SLC25A21: variants seen among roughly 807,000 people sequenced by gnomAD.
The protein encoded by SLC25A21 is solute carrier family 25 member 21, also known as mitochondrial 2-oxodicarboxylate carrier.
SLC25A21 carries 47 observed loss-of-function variants against 43.8 expected under a neutral mutation model. The ratio of observed to expected loss-of-function variants is 1.07; its 90% CI spans 0.85 to 1.37. The LOEUF (loss-of-function observed/expected upper bound fraction) is 1.37. Ranked by LOEUF, SLC25A21 falls within the 40% of genes most tolerant of loss-of-function variation. SLC25A21 has a pLI of 0.00. For missense variants in SLC25A21, 352 were observed against 350.2 expected, an observed-to-expected ratio of 1.00 and a Z score of -0.04; for synonymous variants, 131 against 121.3, an observed-to-expected ratio of 1.08 and a Z score of -0.52.
At chr14:37,090,656 G>T (rs1443486811) in intron 1 of SLC25A21, among the ~76,000 whole-genome samples, 1 of 152,150 alleles carries the variant, frequency 6.6e-6, no homozygotes, top group Non-Finnish European at 1.5e-5. Flanking sequence ...GCTTTCCAAA[G>T]ATTAGGTATG....
chr14:36,850,993 A>G (rs1889715833), intron 2 of SLC25A21, among the ~76,000 whole-genome samples: 14 of 152,206 alleles, frequency 9.2e-5, no homozygotes, highest in Admixed American at 9.2e-4. Context: ...AAAGATTATG[A>G]CATTCTACAG....
intron 1 of SLC25A21, among the ~76,000 whole-genome samples, chr14:36,886,253 T>C (rs371112432): frequency 3.3e-5 from 5 of 152,266 alleles, no homozygotes; most frequent in Admixed American, 6.5e-5. Flanking sequence ...CCCCTAATAA[T>C]AGTTAAGGTG....
At chr14:36,745,897 T>A (rs1885477018) in intron 3 of SLC25A21, among the ~76,000 whole-genome samples, 2 of 152,094 alleles carry the variant, frequency 1.3e-5, no homozygotes, top group African/African-American at 4.8e-5. Context: ...ATTAAAACCA[T>A]GATGAGATAT....
At chr14:36,991,293 T>G (rs1594741474) in intron 1 of SLC25A21, among the ~76,000 whole-genome samples, 3 of 152,162 alleles carry the variant, frequency 2.0e-5, no homozygotes, top group African/African-American at 7.2e-5. Context: ...CGATTCAAGG[T>G]GTCAGCCCAC....
chr14:36,907,077 G>C (rs146756897), intron 1 of SLC25A21, among the ~76,000 whole-genome samples: 193 of 152,204 alleles, frequency 1.3e-3, no homozygotes, highest in African/African-American at 3.9e-3. Flanking sequence ...CTCTAGGAAG[G>C]CTTTGAAAAC....
intron 1 of SLC25A21, among the ~76,000 whole-genome samples, chr14:36,908,964 T>A (rs1238857717): frequency 6.6e-6 from 1 of 152,148 alleles, no homozygotes; most frequent in Non-Finnish European, 1.5e-5. Context: ...ATAGTTTACT[T>A]GGAGGCAGAG....
intron 2 of SLC25A21, among the ~76,000 whole-genome samples, chr14:36,822,644 C>T (rs1010386010): frequency 7.9e-5 from 12 of 152,160 alleles, no homozygotes; most frequent in African/African-American, 2.9e-4. Context: ...GGCAAGGCCA[C>T]AAAGACAAGG....
In SLC25A21 at chr14:37,001,089, C is replaced by T. The variant is rs78568904; in HGVS notation, c.71-126085G>A. Among the ~76,000 whole-genome samples, 25 of 152,254 alleles carry T rather than the reference C, an allele frequency of 1.6e-4. No homozygotes were observed. In the East Asian group the frequency reaches 4.6e-3, roughly 28 times the overall value. On this transcript the variant is annotated intron_variant, in intron 1 of 9. Transcript: ENST00000331299. ...TATCTTGCTATATTTTTTCATAGCA[C>T]TTGCCACTTTCTGATTTTATATGCC...
chr14:36,957,836 T>C (rs920088001), intron 1 of SLC25A21, among the ~76,000 whole-genome samples: 4 of 152,256 alleles, frequency 2.6e-5, no homozygotes, highest in Non-Finnish European at 5.9e-5. Context: ...GAAAATAGTT[T>C]TATTTATACG....
At chr14:37,098,911 T>G (rs937036994) in intron 1 of SLC25A21, among the ~76,000 whole-genome samples, 2 of 151,812 alleles carry the variant, frequency 1.3e-5, no homozygotes, top group Non-Finnish European at 2.9e-5. Flanking sequence ...CAGGCAATTC[T>G]CCTGACTCAG....
chr14:36,875,115 T>C, intron 1 of SLC25A21, 111 bp from the exon 2 acceptor site: 1 of 739,258 alleles, frequency 1.4e-6, no homozygotes, highest in Non-Finnish European at 2.2e-6. Context: ...ACTTGGGACT[T>C]CGGATATGAC....
intron 1 of SLC25A21, among the ~76,000 whole-genome samples, chr14:36,987,478 A>G (rs1347410457): frequency 1.3e-5 from 2 of 152,224 alleles, no homozygotes; most frequent in Non-Finnish European, 2.9e-5. Context: ...AGAGATAACT[A>G]CTATTAACAT....
At chr14:37,022,143 T>A (rs927643303) in intron 1 of SLC25A21, among the ~76,000 whole-genome samples, 1 of 151,866 alleles carries the variant, frequency 6.6e-6, no homozygotes, top group African/African-American at 2.4e-5. Context: ...TACATGAAAT[T>A]TGAGAGACTG....
At chr14:36,902,254 T>G (rs1891415515) in intron 1 of SLC25A21, among the ~76,000 whole-genome samples, 1 of 152,160 alleles carries the variant, frequency 6.6e-6, no homozygotes, top group Non-Finnish European at 1.5e-5. Flanking sequence ...CAGAGACTAT[T>G]CTGATGAGGG....
Position 36,679,800 on chromosome 14 carries a change from C to T in SLC25A21, c.*858G>A. 2 of 985,086 alleles carry T rather than the reference C, an allele frequency of 2.0e-6. No homozygotes were observed. Among genetic ancestry groups the T allele is most frequent in the Non-Finnish European group, 2.4e-6 (2 of 829,674 alleles). The allele number at this position is 985,086 out of a possible 1,614,324, so 61.0% of individuals were successfully genotyped here. Reference sequence around the variant, plus strand: ...AATACTGATGGCTGACAAATGGGTCCAAAGGTGTTTCCAATTTGTGATTTA... The same window carrying T: ...AATACTGATGGCTGACAAATGGGTCTAAAGGTGTTTCCAATTTGTGATTTA... On this transcript the variant is annotated 3_prime_UTR_variant, in exon 10 of 10. Transcript: ENST00000331299.
intron 3 of SLC25A21, among the ~76,000 whole-genome samples, chr14:36,804,750 C>T (rs971470494): frequency 6.6e-6 from 1 of 152,200 alleles, no homozygotes; most frequent in South Asian, 2.1e-4. Context: ...TTAACCTTGT[C>T]TACGTCAAAT....
chr14:36,736,013 G>A (rs913175843), intron 3 of SLC25A21, among the ~76,000 whole-genome samples: 2 of 137,850 alleles, frequency 1.5e-5, no homozygotes, highest in Non-Finnish European at 3.0e-5. Context: ...TCGGCTCACT[G>A]CAAGCTCCAC....
At chr14:36,706,819 T>G (rs927416181) in intron 7 of SLC25A21, among the ~76,000 whole-genome samples, 3 of 152,122 alleles carry the variant, frequency 2.0e-5, no homozygotes, top group African/African-American at 7.2e-5. Context: ...ACCCCACCAC[T>G]TTGTATTGCA....
chr14:37,016,524 G>A (rs139046661), intron 1 of SLC25A21, among the ~76,000 whole-genome samples: 58 of 151,990 alleles, frequency 3.8e-4, no homozygotes, highest in African/African-American at 1.1e-3. Flanking sequence ...TTGGCGATGC[G>A]GGCTCTTTTT....
Sources: gnomAD v4.1 joint callset for allele counts (sites outside exome capture counted in the v4.1 genomes callset) on GRCh38, gnomAD v4.1.1 for gene constraint, MANE v1.5 for transcripts, NCBI Gene and HGNC (gene_info 2026-07-23, HGNC 2026-07-21) for gene names.